Variants in ARVCF observed in about 807,000 individuals in gnomAD.
The protein encoded by ARVCF is ARVCF delta catenin family member.
ARVCF carries 66 observed loss-of-function variants against 90.9 expected under a neutral mutation model. The ratio of observed to expected loss-of-function variants is 0.73; its 90% CI spans 0.60 to 0.89. The LOEUF (loss-of-function observed/expected upper bound fraction) is 0.89. Ranked by LOEUF, ARVCF falls within the 40% of genes least tolerant of loss-of-function variation. The pLI, the probability that ARVCF is intolerant of heterozygous loss-of-function variation, is 0.00. For missense variants in ARVCF, 1,469 were observed against 1,382.3 expected (o/e 1.06, Z -1.00); for synonymous variants, 653 against 603.4 (o/e 1.08, Z -1.21).
At chr22:20,000,887 C>G (rs1182688480) in intron 2 of ARVCF, among the ~76,000 whole-genome samples, 1 of 152,190 alleles carries the variant, frequency 6.6e-6, no homozygotes, top group Non-Finnish European at 1.5e-5. Flanking sequence ...GCCTCCAGCA[C>G]TGTGAACAGT....
intron 2 of ARVCF, among the ~76,000 whole-genome samples, chr22:20,006,247 A>T (rs1158423591): frequency 6.6e-6 from 1 of 152,200 alleles, no homozygotes; most frequent in Non-Finnish European, 1.5e-5. Context: ...AAATTTTGTT[A>T]TGTGTATTCT....
intron 2 of ARVCF, among the ~76,000 whole-genome samples, chr22:20,008,006 T>A (rs974119545): frequency 7.2e-5 from 11 of 152,046 alleles, no homozygotes; most frequent in Admixed American, 2.0e-4. Context: ...AGACGGAATA[T>A]CTAAAAATGG....
At chr22:19,986,581 C>T (rs114277554) in intron 3 of ARVCF, 2,015 of 153,786 alleles carry the variant, frequency 0.013, 53 homozygotes, top group African/African-American at 0.046. Context: ...TTGCAGGTCC[C>T]GGGAGTCAGA....
chr22:20,011,625 T>C (rs933149021), intron 1 of ARVCF, among the ~76,000 whole-genome samples: 1 of 152,072 alleles, frequency 6.6e-6, no homozygotes, highest in African/African-American at 2.4e-5. Flanking sequence ...GCCAGGCACA[T>C]GTGCATATGC....
rs753999542 is a variant in ARVCF, at chr22:19,981,713, T to A, written c.394A>T (p.Thr132Ser). The change falls in exon 5 of 20, where the codon ACC becomes TCC. Residue 132 changes from threonine (T) to serine (S), a missense_variant. Coordinates refer to ENST00000263207, the MANE Select transcript of ARVCF (RefSeq NM_001670.3). The part of the protein sequence containing the change: ...TKVTKTVKTV[T>S]TRTVRQVPVG... The stretch of plus-strand genomic sequence containing the variant: ...GGCACCTGGCGTACTGTCCGAGTGG[T>A]CACCGTCTTGACAGTCTTGGTGACC... The A allele has an allele frequency of 6.3e-7, 1 of 1,578,766 alleles. No homozygotes were observed. The highest frequency in any genetic ancestry group is 8.6e-7 in the Non-Finnish European group (1 of 1,160,852).
In ARVCF at chr22:19,981,648, G is replaced by T. The variant is rs1397237995; in HGVS notation, c.459C>A (p.Pro153=). ...PDGLPLLDGG[P]PLGPFADGAL... ...CACCATCTGCAAAAGGGCCTAGTGG[G>T]GGGCCGCCATCCAGCAGGGGGAGTC... is the stretch of plus-strand genomic sequence containing the variant. The change falls in exon 5 of 20, where the codon CCC becomes CCA. Residue 153 remains proline (P), a synonymous_variant. Coordinates refer to ENST00000263207, the MANE Select transcript of ARVCF (RefSeq NM_001670.3). 4 of 1,609,700 alleles carry T rather than the reference G, an allele frequency of 2.5e-6. No individual in the cohort carries two copies. Among genetic ancestry groups the T allele is most frequent in the Non-Finnish European group, 3.4e-6 (4 of 1,179,502 alleles).
At chr22:20,014,571 C>T (rs1944954554) in intron 1 of ARVCF, among the ~76,000 whole-genome samples, 1 of 152,226 alleles carries the variant, frequency 6.6e-6, no homozygotes, top group Non-Finnish European at 1.5e-5. Context: ...AGGGAAGTCC[C>T]CAGGACCCCC....
rs1601712543 is a variant in ARVCF, at chr22:20,016,217, G to A, written c.-73+372C>T. 1.3e-5 allele frequency among the ~76,000 whole-genome samples: 2 copies of A among 152,320 alleles called. 1 individual carries two copies. The highest frequency in any genetic ancestry group is 6.8e-3 in the Middle Eastern group (2 of 292). ...TGTTGGAAAGTTTCGGCGGCTGCAG[G>A]GCCCTGGCAGCTAGGCGCCAAGCGT... On this transcript the variant is annotated intron_variant, in intron 1 of 19. Coordinates refer to ENST00000263207, the MANE Select transcript of ARVCF (RefSeq NM_001670.3).
At chr22:20,010,304 A>C (rs1401771820) in intron 2 of ARVCF, among the ~76,000 whole-genome samples, 151 bp downstream of exon 2, 1 of 152,214 alleles carries the variant, frequency 6.6e-6, no homozygotes, top group African/African-American at 2.4e-5. Flanking sequence ...TGTCCAGCCC[A>C]GGGGCTGTGC....
At chr22:19,974,266 G>T in intron 11 of ARVCF, 27 bp from the exon 12 acceptor site, 1 of 1,581,656 alleles carries the variant, frequency 6.3e-7, no homozygotes, top group East Asian at 2.3e-5. Context: ...CGCCACCCAC[G>T]GTCACCCAGA....
At chr22:19,972,875 G>C in intron 15 of ARVCF, 48 bp from the exon 16 acceptor site, 2 of 1,613,788 alleles carry the variant, frequency 1.2e-6, no homozygotes, top group South Asian at 1.1e-5. Context: ...CATGGAGTGG[G>C]AATAAGGCAA....
intron 2 of ARVCF, among the ~76,000 whole-genome samples, chr22:19,993,945 C>T (rs1013560722): frequency 6.6e-5 from 10 of 152,318 alleles, no homozygotes; most frequent in African/African-American, 2.4e-4. Context: ...ACGTGAGCCT[C>T]CAGGTGCTCT....
At chr22:19,992,072 A>G (rs1034408002) in intron 2 of ARVCF, among the ~76,000 whole-genome samples, 1 of 152,238 alleles carries the variant, frequency 6.6e-6, no homozygotes, top group African/African-American at 2.4e-5. Flanking sequence ...GAGGAAAAGC[A>G]GCGCTGGGCT....
chr22:19,975,414 C>A (rs551427163), intron 11 of ARVCF, among the ~76,000 whole-genome samples: 1 of 152,206 alleles, frequency 6.6e-6, no homozygotes, highest in African/African-American at 2.4e-5. Flanking sequence ...CCACCTCTTA[C>A]GCACCGTGAG....
At chr22:19,978,255 G>GC (rs779828481) in intron 7 of ARVCF, among the ~76,000 whole-genome samples, 180 bp from the exon 8 acceptor site, 2 of 152,178 alleles carry the variant, frequency 1.3e-5, no homozygotes, top group Non-Finnish European at 2.9e-5. Context: ...CTGCCCCCAG[G>GC]CCTCAGGAGG....
chr22:19,997,149 G>C (rs369208301), intron 2 of ARVCF, among the ~76,000 whole-genome samples: 2 of 152,236 alleles, frequency 1.3e-5, no homozygotes, highest in Non-Finnish European at 2.9e-5. Flanking sequence ...GGGCTGATAC[G>C]GAAGCTGGGG....
In ARVCF at chr22:19,971,942, G is replaced by C. The variant is rs34687532; in HGVS notation, c.2725C>G (p.Arg909Gly). 1.1e-5 allele frequency: 17 copies of C among 1,612,148 alleles called. No individual in the cohort carries two copies. Among genetic ancestry groups the C allele is most frequent in the Non-Finnish European group, 1.4e-5 (17 of 1,179,450 alleles). Reference sequence around the variant, plus strand: ...GCAGAGCTGGCGCCCCGTGGCCTCCGCTCCCTCCGGTCCACCGTGGAGTAT... The same window carrying C: ...GCAGAGCTGGCGCCCCGTGGCCTCCCCTCCCTCCGGTCCACCGTGGAGTAT... The part of the protein sequence containing the change: ...DGYSTVDRRE[R>G]RPRGASSAGE... The change falls in exon 18 of 20, where the codon CGG (arginine) becomes GGG (glycine). Residue 909 changes from arginine (R) to glycine (G), a missense_variant. Arg to Gly is a moderately radical substitution (Grantham distance 125, BLOSUM62 -2). Coordinates refer to ENST00000263207, the MANE Select transcript of ARVCF (RefSeq NM_001670.3).
At chr22:20,012,090 C>A (rs76206039) in intron 1 of ARVCF, among the ~76,000 whole-genome samples, 7,297 of 146,334 alleles carry the variant, frequency 0.05, 248 homozygotes, top group South Asian at 0.091. Flanking sequence ...CCCCCCCCCC[C>A]ACCCAGTTGG....
chr22:19,976,770 G>A (rs752631583), intron 9 of ARVCF, 47 bp from the exon 10 acceptor site: 15 of 1,551,976 alleles, frequency 9.7e-6, no homozygotes, highest in Admixed American at 5.9e-5. Flanking sequence ...AGCCTGAACA[G>A]GCAGCACTCA....
Sources: gnomAD v4.1 joint callset for allele counts (sites outside exome capture counted in the v4.1 genomes callset) on GRCh38, gnomAD v4.1.1 for gene constraint, MANE v1.5 for transcripts, NCBI Gene and HGNC (gene_info 2026-07-23, HGNC 2026-07-21) for gene names.